The following MNAT1 variants were observed in gnomAD, a reference collection of about 807,000 sequenced individuals.
MNAT1 encodes the protein CDK-activating kinase assembly factor MAT1.
In MNAT1, 43 loss-of-function variants were observed where a neutral mutation model predicts 42.0. The observed-to-expected ratio is 1.02, with a 90% CI of 0.80 to 1.32. The LOEUF is 1.32. Ranked by LOEUF, MNAT1 falls within the 40% of genes most tolerant of loss-of-function variation. The pLI, the probability that MNAT1 is intolerant of heterozygous loss-of-function variation, is 0.00. For missense variants in MNAT1, 306 were observed against 350.4 expected, an observed-to-expected ratio of 0.87 and a Z score of 1.01; for synonymous variants, 118 against 120.0, an observed-to-expected ratio of 0.98 and a Z score of 0.11.
At chr14:60,766,699 A>G (rs906547072) in intron 1 of MNAT1, among the ~76,000 whole-genome samples, 1 of 152,128 alleles carries the variant, frequency 6.6e-6, no homozygotes, top group Non-Finnish European at 1.5e-5. Flanking sequence ...ACAGAGCAAG[A>G]CTCCGTCTCA....
intron 6 of MNAT1, among the ~76,000 whole-genome samples, chr14:60,824,626 T>A (rs1403942908): frequency 6.6e-6 from 1 of 152,184 alleles, no homozygotes; most frequent in Admixed American, 6.5e-5. Flanking sequence ...TATGTTTCCA[T>A]GGGTAAGATA....
intron 6 of MNAT1, among the ~76,000 whole-genome samples, chr14:60,834,254 T>C (rs1408703255): frequency 1.3e-5 from 2 of 152,174 alleles, no homozygotes; most frequent in South Asian, 2.1e-4. Context: ...GTTCTTTTAA[T>C]TGTGATGTTA....
intron 7 of MNAT1, among the ~76,000 whole-genome samples, chr14:60,942,651 A>C (rs547914244): frequency 1.3e-5 from 2 of 152,216 alleles, no homozygotes; most frequent in South Asian, 4.1e-4. Context: ...ATTTATATTA[A>C]ATCGAAAATT....
At chr14:60,945,081 A>G (rs543945734) in intron 7 of MNAT1, among the ~76,000 whole-genome samples, 3 of 152,334 alleles carry the variant, frequency 2.0e-5, no homozygotes, top group South Asian at 2.1e-4. Flanking sequence ...TTTCAAAGCT[A>G]CTAAGAACCA....
At chr14:60,823,588 G>T (rs1052542281) in intron 6 of MNAT1, among the ~76,000 whole-genome samples, 1 of 152,192 alleles carries the variant, frequency 6.6e-6, no homozygotes, top group South Asian at 2.1e-4. Context: ...GCTGGGCATG[G>T]TGGCTCACGC....
chr14:60,832,497 G>A (rs906539277), intron 6 of MNAT1, among the ~76,000 whole-genome samples: 4 of 152,074 alleles, frequency 2.6e-5, no homozygotes, highest in Admixed American at 1.3e-4. Flanking sequence ...TAGATGTGTG[G>A]CGTTATTTTT....
At chr14:60,914,247 G>T (rs2035459974) in intron 7 of MNAT1, among the ~76,000 whole-genome samples, 1 of 152,206 alleles carries the variant, frequency 6.6e-6, no homozygotes, top group Non-Finnish European at 1.5e-5. Context: ...ACTAGGAAAG[G>T]GAATTCCCTG....
chr14:60,770,478 T>A (rs940368174), intron 1 of MNAT1, among the ~76,000 whole-genome samples: 1 of 151,930 alleles, frequency 6.6e-6, no homozygotes, highest in Non-Finnish European at 1.5e-5. Flanking sequence ...TATTTTAAAG[T>A]TTTTTTTAGG....
chr14:60,911,828 G>C (rs8019418), intron 7 of MNAT1, among the ~76,000 whole-genome samples: 150,316 of 151,942 alleles, frequency 0.99, 74,379 homozygotes, highest in East Asian at 1. Context: ...CTGTAGATGT[G>C]TATTAGGTCC....
chr14:60,813,781 G>T (rs774111285), intron 5 of MNAT1, among the ~76,000 whole-genome samples: 15 of 152,082 alleles, frequency 9.9e-5, no homozygotes, highest in Non-Finnish European at 1.8e-4. Context: ...TCATATTGTA[G>T]TTTGTCTTAC....
intron 6 of MNAT1, among the ~76,000 whole-genome samples, chr14:60,828,398 TA>T (rs2033114688): frequency 6.6e-6 from 1 of 152,182 alleles, no homozygotes; most frequent in African/African-American, 2.4e-5. Context: ...GTTTGTGACT[TA>T]TAACTGTTAA....
chr14:60,831,639 T>A (rs572228708), intron 6 of MNAT1, among the ~76,000 whole-genome samples: 1 of 152,296 alleles, frequency 6.6e-6, no homozygotes, highest in South Asian at 2.1e-4. Context: ...AATAAACATA[T>A]GTGTGCATGT....
At chr14:60,942,744 T>G (rs1191744359) in intron 7 of MNAT1, among the ~76,000 whole-genome samples, 1 of 152,132 alleles carries the variant, frequency 6.6e-6, no homozygotes, top group Non-Finnish European at 1.5e-5. Context: ...CAATGCATTT[T>G]AGAAATTAAA....
Position 60,857,350 on chromosome 14 carries a change from G to GTT in MNAT1, c.688-22364_688-22363insTT, listed in dbSNP as rs552217569. On this transcript the variant is annotated intron_variant, in intron 6 of 7. Transcript: ENST00000261245. ...GGAAGAGGTAACTGCAGATGTGGTA[G>GTT]AAACAATAAGAGAACTAGAATTAGC... 5.0e-3 allele frequency among the ~76,000 whole-genome samples: 758 copies of GTT among 152,304 alleles called. 10 individuals are homozygous for GTT. Among genetic ancestry groups the GTT allele is most frequent in the African/African-American group, 0.016 (682 of 41,572 alleles).
intron 7 of MNAT1, among the ~76,000 whole-genome samples, chr14:60,886,773 A>C (rs1594834048): frequency 6.6e-6 from 1 of 151,968 alleles, no homozygotes; most frequent in Admixed American, 6.6e-5. Flanking sequence ...TTTTTGGTCT[A>C]ATCTTTATGA....
chr14:60,801,967 T>C lies in MNAT1; in HGVS notation c.316+3807T>C, dbSNP rs144147652. Among the ~76,000 whole-genome samples, 208 of 152,284 alleles carry C rather than the reference T, an allele frequency of 1.4e-3. 1 individual carries two copies. The highest frequency in any genetic ancestry group is 4.9e-3 in the African/African-American group (202 of 41,552). Reference sequence around the variant, plus strand: ...TAAAAAAGAAGGTAATTCTGTAATATGCAACAACGTGGATCAACCTGGAGG... The same window carrying C: ...TAAAAAAGAAGGTAATTCTGTAATACGCAACAACGTGGATCAACCTGGAGG... On this transcript the variant is annotated intron_variant, in intron 3 of 7. Coordinates refer to ENST00000261245, the MANE Select transcript of MNAT1 (RefSeq NM_002431.4).
intron 7 of MNAT1, among the ~76,000 whole-genome samples, chr14:60,935,763 C>CTGTGAAGA (rs2035981610): frequency 6.6e-6 from 1 of 152,112 alleles, no homozygotes; most frequent in Non-Finnish European, 1.5e-5. Context: ...CTCACAGATG[C>CTGTGAAGA]TGCTTTTTTC....
At chr14:60,818,000 A>G (rs1348147242) in intron 5 of MNAT1, among the ~76,000 whole-genome samples, 1 of 151,900 alleles carries the variant, frequency 6.6e-6, no homozygotes, top group Non-Finnish European at 1.5e-5. Flanking sequence ...GAAAACTCAG[A>G]AAGGAAAATG....
At chr14:60,810,871 A>G (rs1381539625) in intron 4 of MNAT1, among the ~76,000 whole-genome samples, 1 of 152,112 alleles carries the variant, frequency 6.6e-6, no homozygotes, top group African/African-American at 2.4e-5. Flanking sequence ...TTATAACAGA[A>G]ATATACAGAA....
Sources: gnomAD v4.1 joint callset for allele counts (sites outside exome capture counted in the v4.1 genomes callset) on GRCh38, gnomAD v4.1.1 for gene constraint, MANE v1.5 for transcripts, NCBI Gene and HGNC (gene_info 2026-07-23, HGNC 2026-07-21) for gene names.